Variants in CHSY3 observed in about 807,000 individuals in gnomAD.
CHSY3 encodes the protein N-acetylgalactosaminyl-proteoglycan 3-beta-glucuronosyltransferase 3.
A neutral mutation model predicts 67.2 loss-of-function variants in CHSY3; 35 were observed. The observed-to-expected ratio is 0.52, with a 90% CI of 0.40 to 0.69. The LOEUF is 0.69. CHSY3 is among the 30% of genes least tolerant of loss of function. The probability of loss-of-function intolerance (pLI) is 0.00; values close to 1 mark genes in which losing one functional copy is unlikely to be tolerated. For missense variants in CHSY3, 1,069 were observed against 1,138.5 expected (o/e 0.94, Z 0.88); for synonymous variants, 474 against 434.7 (o/e 1.09, Z -1.12).
chr5:130,176,316 CAGTT>C (rs559785001), intron 2 of CHSY3, among the ~76,000 whole-genome samples: 198 of 152,160 alleles, frequency 1.3e-3, no homozygotes, highest in African/African-American at 4.6e-3. Flanking sequence ...CATCTCACGT[CAGTT>C]AGAATGGTGA....
intron 2 of CHSY3, among the ~76,000 whole-genome samples, chr5:130,102,142 C>T (rs540527274): frequency 2.6e-5 from 4 of 152,204 alleles, no homozygotes; most frequent in Non-Finnish European, 5.9e-5. Flanking sequence ...TGTATATTAA[C>T]ATTGTTAACA....
intron 2 of CHSY3, among the ~76,000 whole-genome samples, chr5:129,997,517 T>G (rs1580630395): frequency 9.2e-6 from 1 of 109,216 alleles, no homozygotes; most frequent in East Asian, 2.9e-4. Context: ...TTCACTCTTT[T>G]TTTTTAATAC....
chr5:129,942,859 A>G (rs998342145), intron 2 of CHSY3, among the ~76,000 whole-genome samples: 1 of 152,174 alleles, frequency 6.6e-6, no homozygotes, highest in Admixed American at 6.5e-5. Context: ...TGAGTAGTTA[A>G]TGGATATATA....
At chr5:130,012,591 C>T (rs926060376) in intron 2 of CHSY3, among the ~76,000 whole-genome samples, 1 of 152,102 alleles carries the variant, frequency 6.6e-6, no homozygotes, top group Admixed American at 6.5e-5. Context: ...AGAATGAGTG[C>T]CAGCTGGGGA....
intron 2 of CHSY3, among the ~76,000 whole-genome samples, chr5:130,004,828 A>G (rs1471935590): frequency 1.3e-5 from 2 of 152,142 alleles, no homozygotes; most frequent in African/African-American, 4.8e-5. Context: ...ATATTTATGC[A>G]TATTTTCATT....
intron 2 of CHSY3, among the ~76,000 whole-genome samples, chr5:129,951,332 T>A (rs1228113684): frequency 6.6e-6 from 1 of 152,162 alleles, no homozygotes; most frequent in Non-Finnish European, 1.5e-5. Context: ...ACGTTGGTCT[T>A]GGTGATTATT....
chr5:130,034,054 C>T (rs1007132935), intron 2 of CHSY3, among the ~76,000 whole-genome samples: 28 of 152,116 alleles, frequency 1.8e-4, no homozygotes, highest in African/African-American at 6.5e-4. Context: ...CTAAATCTTG[C>T]TTTTAACTAT....
At chr5:129,913,630 T>C (rs1479012770) in intron 2 of CHSY3, among the ~76,000 whole-genome samples, 2 of 152,192 alleles carry the variant, frequency 1.3e-5, no homozygotes, top group Non-Finnish European at 2.9e-5. Flanking sequence ...TGATTATTGT[T>C]CTTCTCCCTT....
intron 2 of CHSY3, among the ~76,000 whole-genome samples, chr5:130,181,960 A>T (rs970060259): frequency 1.3e-5 from 2 of 150,844 alleles, no homozygotes; most frequent in African/African-American, 4.9e-5. Context: ...TAATGCAGCT[A>T]CGAAAATTAT....
chr5:130,025,777 A>C (rs1182643571), intron 2 of CHSY3, among the ~76,000 whole-genome samples: 2 of 152,048 alleles, frequency 1.3e-5, no homozygotes, highest in Non-Finnish European at 2.9e-5. Context: ...TTCTGCCTTC[A>C]TGACCTAATC....
intron 2 of CHSY3, among the ~76,000 whole-genome samples, chr5:130,060,682 T>A (rs1479058223): frequency 6.6e-6 from 1 of 152,098 alleles, no homozygotes; most frequent in Non-Finnish European, 1.5e-5. Context: ...TCCAAAAGAC[T>A]CCTAGACTTC....
At chr5:130,105,060 G>C (rs189101563) in intron 2 of CHSY3, among the ~76,000 whole-genome samples, 134 of 151,628 alleles carry the variant, frequency 8.8e-4, no homozygotes, top group African/African-American at 3.1e-3. Flanking sequence ...TTGAGCCAAG[G>C]GGCCCCAAGT....
intron 2 of CHSY3, among the ~76,000 whole-genome samples, chr5:130,166,248 T>G (rs1406737354): frequency 6.6e-6 from 1 of 152,160 alleles, no homozygotes; most frequent in African/African-American, 2.4e-5. Flanking sequence ...ATTTTAAAAC[T>G]CCATTTAAAC....
At chr5:130,078,308 A>G (rs1766337076) in intron 2 of CHSY3, among the ~76,000 whole-genome samples, 1 of 152,080 alleles carries the variant, frequency 6.6e-6, no homozygotes, top group South Asian at 2.1e-4. Context: ...ATTTTATGTG[A>G]TCATGATGCT....
intron 2 of CHSY3, among the ~76,000 whole-genome samples, chr5:130,175,671 G>A (rs1770025921): frequency 6.6e-6 from 1 of 150,978 alleles, no homozygotes; most frequent in Non-Finnish European, 1.5e-5. Flanking sequence ...TAGACCAATG[G>A]AACAGAATAG....
intron 2 of CHSY3, among the ~76,000 whole-genome samples, chr5:130,036,574 C>G (rs1764868697): frequency 1.3e-5 from 2 of 152,116 alleles, no homozygotes; most frequent in African/African-American, 4.8e-5. Flanking sequence ...ACAATAGAAG[C>G]AGGCTATTGA....
intron 2 of CHSY3, among the ~76,000 whole-genome samples, chr5:130,030,787 C>T (rs185365458): frequency 1.3e-3 from 194 of 152,070 alleles, no homozygotes; most frequent in African/African-American, 4.5e-3. Context: ...TGTTATTCCC[C>T]GGAGCTAGGT....
At chr5:129,953,252 A>C (rs1414274294) in intron 2 of CHSY3, among the ~76,000 whole-genome samples, 1 of 152,040 alleles carries the variant, frequency 6.6e-6, no homozygotes, top group Non-Finnish European at 1.5e-5. Flanking sequence ...TTTCTGTATT[A>C]GTTTGCTGAG....
chr5:130,176,756 A>G (rs972328855), intron 2 of CHSY3, among the ~76,000 whole-genome samples: 6 of 152,120 alleles, frequency 3.9e-5, no homozygotes, highest in South Asian at 2.1e-4. Flanking sequence ...AAAACCAAAC[A>G]TTGCATGTTC....
Sources: gnomAD v4.1 joint callset for allele counts (sites outside exome capture counted in the v4.1 genomes callset) on GRCh38, gnomAD v4.1.1 for gene constraint, MANE v1.5 for transcripts, NCBI Gene and HGNC (gene_info 2026-07-23, HGNC 2026-07-21) for gene names.